The following CHRNE variants were observed in gnomAD, a reference collection of about 807,000 sequenced individuals.
CHRNE encodes the protein acetylcholine receptor subunit epsilon.
A neutral mutation model predicts 56.5 loss-of-function variants in CHRNE; 58 were observed. That is an observed-to-expected ratio of 1.03 (90% CI 0.83 to 1.28). CHRNE has a LOEUF of 1.28. Among genes scored for constraint, CHRNE ranks in the 50% most tolerant of loss-of-function variants. The pLI is 0.00. For synonymous variants in CHRNE, 385 were observed against 297.9 expected, an observed-to-expected ratio of 1.29 and a Z score of -3.01; for missense variants, 793 against 688.9, an observed-to-expected ratio of 1.15 and a Z score of -1.69.
At chr17:4,899,990 C>T (rs1969918009) in intron 8 of CHRNE, 1 of 1,551,540 alleles carries the variant, frequency 6.4e-7, no homozygotes, top group Non-Finnish European at 8.7e-7. Flanking sequence ...GGCCGCAGCC[C>T]ATGAATATCT....
Position 4,899,486 on chromosome 17 carries a change from C to A in CHRNE, c.1014G>T (p.Met338Ile). 6.3e-7 allele frequency: 1 copy of A among 1,599,916 alleles called. No individual in the cohort carries two copies. Among genetic ancestry groups the A allele is most frequent in the Admixed American group, 1.7e-5 (1 of 58,098 alleles). Reference sequence around the variant, plus strand: ...CGCTTACGTGGCGCAGCCGCGGGGACATGGCGTGGGTGGTGGGCGTCCGCT... The same window carrying A: ...CGCTTACGTGGCGCAGCCGCGGGGAAATGGCGTGGGTGGTGGGCGTCCGCT... Reference protein sequence around the residue: ...VSQRTPTTHAMSPRLRHVLLE... With the variant: ...VSQRTPTTHAISPRLRHVLLE... The change falls in exon 9 of 12, where the codon ATG becomes ATT. Residue 338 changes from methionine (M) to isoleucine (I), a missense_variant. Met to Ile is a conservative substitution (Grantham distance 10, BLOSUM62 1). Coordinates refer to ENST00000649488, the MANE Select transcript of CHRNE (RefSeq NM_000080.4).
chr17:4,901,321 G>T, intron 6 of CHRNE, 131 bp from the exon 7 acceptor site: 1 of 1,067,360 alleles, frequency 9.4e-7, no homozygotes, highest in Non-Finnish European at 1.4e-6. Context: ...ATTACGGACA[G>T]AAAAGGGCAT....
intron 10 of CHRNE, 22 bp downstream of exon 10, chr17:4,899,176 G>A (rs752553103): frequency 1.3e-4 from 177 of 1,345,604 alleles, no homozygotes; most frequent in Admixed American, 8.4e-4. Flanking sequence ...GCGGCCCCCC[G>A]GGCCAGGGCC....
In CHRNE at chr17:4,899,385, C is replaced by G. The variant is rs755303686; in HGVS notation, c.1033-1G>C. The G allele has an allele frequency of 2.0e-5, 30 of 1,533,896 alleles. No individual in the cohort carries two copies. Among genetic ancestry groups the G allele is most frequent in the Non-Finnish European group, 2.5e-5 (29 of 1,144,352 alleles). On this transcript the variant is annotated splice_acceptor_variant, in intron 9 of 11. Coordinates refer to ENST00000649488, the MANE Select transcript of CHRNE (RefSeq NM_000080.4). LOFTEE classifies it high-confidence loss of function. ...GGCGCGGCAGCAGCTCCAGGAGAAC[C>G]TGGGGCAGGGGCGGGGCTTAGGGGA...
In CHRNE at chr17:4,898,897, G is replaced by T. The variant is rs1969826283; in HGVS notation, c.1327-6C>A. The T allele has an allele frequency of 6.3e-7, 1 of 1,575,120 alleles. No homozygotes were observed. Among genetic ancestry groups the T allele is most frequent in the African/African-American group, 1.3e-5 (1 of 74,422 alleles). ...CGCACCCAGTCGGACACTTCCTGGG[G>T]AAGGGTCGGCACAGTCAGTAAAGAG... On this transcript the variant is annotated splice_polypyrimidine_tract_variant and splice_region_variant and intron_variant, in intron 11 of 11. Coordinates refer to ENST00000649488, the MANE Select transcript of CHRNE (RefSeq NM_000080.4).
chr17:4,899,701 C>G lies in CHRNE; in HGVS notation c.918-119G>C. ...GGGCTGGTTACGCCCTCCAGCTGCG[C>G]CCCCTACACGACGACAGACGCGTCC... On this transcript the variant is annotated intron_variant, in intron 8 of 11. Coordinates refer to ENST00000649488, the MANE Select transcript of CHRNE (RefSeq NM_000080.4). 4 of 1,483,404 alleles carry G rather than the reference C, an allele frequency of 2.7e-6. No individual in the cohort carries two copies. The South Asian group carries it at 4.8e-5, about 18-fold the overall frequency. The allele number at this position is 1,483,404 out of a possible 1,614,324, so 91.9% of individuals were successfully genotyped here.
chr17:4,902,658 A>C lies in CHRNE; in HGVS notation c.152T>G (p.Ile51Ser), dbSNP rs1434896893. The C allele has an allele frequency of 6.2e-7, 1 of 1,613,784 alleles. No homozygotes were observed. Among genetic ancestry groups the C allele is most frequent in the African/African-American group, 1.3e-5 (1 of 74,850 alleles). The part of the protein sequence containing the change: ...PVREPEDTVT[I>S]SLKVTLTNLI... The stretch of plus-strand genomic sequence containing the variant: ...ATTCGTCAGGGTGACCTTGAGGCTG[A>C]TGGTGACAGTATCCTCAGGCTCCCG... The change falls in exon 2 of 12, where the codon ATC (isoleucine) becomes AGC (serine). Residue 51 changes from isoleucine (I) to serine (S), a missense_variant. By Grantham distance (142) the Ile-to-Ser change is moderately radical. Coordinates refer to ENST00000649488, the MANE Select transcript of CHRNE (RefSeq NM_000080.4). This position sits in a 1 kb window ranked among gnomAD's most constrained non-coding sequence, Gnocchi z 4.0.
intron 6 of CHRNE, 146 bp from the exon 7 acceptor site, chr17:4,901,336 G>A (rs868191959): frequency 9.0e-5 from 90 of 1,005,178 alleles, no homozygotes; most frequent in Non-Finnish European, 1.2e-4. Context: ...GGGCATTCTC[G>A]TTGAGGGTAT....
At chr17:4,904,187 T>C (rs146662338), upstream of CHRNE, among the ~76,000 whole-genome samples, 45 of 151,846 alleles carry the variant, frequency 3.0e-4, no homozygotes, top group African/African-American at 1.0e-3. Context: ...GTTTCTTTTT[T>C]TGTTTTTTGT....
chr17:4,900,951 G>A (rs969873887), intron 7 of CHRNE, 39 bp downstream of exon 7: 3 of 1,613,986 alleles, frequency 1.9e-6, no homozygotes, highest in South Asian at 1.1e-5. Flanking sequence ...TCCCGGGAGC[G>A]AGCCCGGGTT....
At chr17:4,899,887 G>T in intron 8 of CHRNE, 1 of 1,548,512 alleles carries the variant, frequency 6.5e-7, no homozygotes, top group African/African-American at 1.4e-5. Context: ...TCTCCTGTTC[G>T]CCCCTGTGAC....
In CHRNE at chr17:4,898,669, G is replaced by A; in HGVS notation, c.*67C>T. 2 of 1,550,894 alleles carry A rather than the reference G, an allele frequency of 1.3e-6. No homozygotes were observed. The highest frequency in any genetic ancestry group is 1.7e-6 in the Non-Finnish European group (2 of 1,145,488). Reference sequence around the variant, plus strand: ...GGGAAGGGATCATAATGCCGTGGTGGCGGCAGCCTACTTTTTCAAAATCAA... The same window carrying A: ...GGGAAGGGATCATAATGCCGTGGTGACGGCAGCCTACTTTTTCAAAATCAA... On this transcript the variant is annotated 3_prime_UTR_variant, in exon 12 of 12. Transcript: ENST00000649488.
At chr17:4,903,860 T>TA (rs200246783), upstream of CHRNE, among the ~76,000 whole-genome samples, 15 of 152,254 alleles carry the variant, frequency 9.9e-5, no homozygotes, top group East Asian at 3.9e-4. Flanking sequence ...TGTTCCTTTT[T>TA]AAAAAAAATT....
chr17:4,899,555 G>C lies in CHRNE; in HGVS notation c.945C>G (p.Ala315=). The change falls in exon 9 of 12, where the codon GCC becomes GCG. Residue 315 remains alanine (A), a synonymous_variant. Coordinates refer to ENST00000649488, the MANE Select transcript of CHRNE (RefSeq NM_000080.4). ...GRFLIFVMVV[A]TLIVMNCVIV... is the part of the protein sequence containing the mutation. ...TGACGCAATTCATGACAATGAGCGT[G>C]GCGACCACCATGACGAAAATAAGGA... The C allele has an allele frequency of 6.3e-7, 1 of 1,596,716 alleles. No homozygotes were observed. Among genetic ancestry groups the C allele is most frequent in the South Asian group, 1.1e-5 (1 of 87,492 alleles).
Position 4,900,470 on chromosome 17 carries a change from G to C in CHRNE, c.917+323C>G, listed in dbSNP as rs184464124. On this transcript the variant is annotated intron_variant, in intron 8 of 11. Coordinates refer to ENST00000649488, the MANE Select transcript of CHRNE (RefSeq NM_000080.4). ...GGTCTGCCTCATTCCTGCGACAGTCGCAACAGCAGCTAGGCCTCGGAATCC... is the reference window on the plus strand; with the variant it reads ...GGTCTGCCTCATTCCTGCGACAGTCCCAACAGCAGCTAGGCCTCGGAATCC... 1.5e-3 allele frequency: 2,259 copies of C among 1,551,108 alleles called. 4 individuals are homozygous for C. The highest frequency in any genetic ancestry group is 1.4e-3 in the Non-Finnish European group (1,607 of 1,146,986).
rs1208462125 is a variant in CHRNE at position 4,898,985 on chromosome 17, CTGGCTCCTGTCCCACCTCGCCGG to C, written c.1319_1326+15del. 6.3e-7 allele frequency: 1 copy of C among 1,575,292 alleles called. No homozygotes were observed. The highest frequency in any genetic ancestry group is 8.6e-7 in the Non-Finnish European group (1 of 1,162,138). The stretch of plus-strand genomic sequence containing the variant: ...GGCCTCTGCCTCGCTCCACCCGCCT[CTGGCTCCTGTCCCACCTCGCCGG>C]TGGCCTCCTGATCTCTCGTGCTCTC... On this transcript the variant is annotated splice_donor_variant and splice_donor_5th_base_variant and coding_sequence_variant and intron_variant, in exon 11 of 12. Transcript: ENST00000649488. LOFTEE classifies it high-confidence loss of function.
Position 4,901,094 on chromosome 17 carries a change from GAGT to G in CHRNE, c.695_697del (p.Tyr232del), listed in dbSNP as rs1969969385. Reference sequence around the variant, plus strand: ...GAGCGGCTTCCGGCGGATGATGAGCGAGTAGATGACGTCAGTCTCCCCTGGGCC... The same window carrying G: ...GAGCGGCTTCCGGCGGATGATGAGCGAGATGACGTCAGTCTCCCCTGGGCC... On this transcript the variant is annotated inframe_deletion, in exon 7 of 12. Transcript: ENST00000649488. The G allele has an allele frequency of 5.0e-6, 8 of 1,613,624 alleles. No individual in the cohort carries two copies. Among genetic ancestry groups the G allele is most frequent in the Middle Eastern group, 1.6e-4 (1 of 6,084 alleles).
At chr17:4,901,462 G>T in intron 6 of CHRNE, 63 bp downstream of exon 6, 1 of 1,492,772 alleles carries the variant, frequency 6.7e-7, no homozygotes, top group Non-Finnish European at 9.3e-7. Flanking sequence ...CAAGCCCACC[G>T]TGGAAGTCCC....
At chr17:4,901,420 G>A (rs1359254099) in intron 6 of CHRNE, 105 bp downstream of exon 6, 5 of 1,106,290 alleles carry the variant, frequency 4.5e-6, no homozygotes, top group Non-Finnish European at 6.9e-6. Context: ...ACCCAGTTGT[G>A]GAAGTCATCC....
Sources: gnomAD v4.1 joint callset for allele counts (sites outside exome capture counted in the v4.1 genomes callset) on GRCh38, gnomAD v4.1.1 for gene constraint, Gnocchi (gnomAD v3.1) non-coding constraint, MANE v1.5 for transcripts, NCBI Gene and HGNC (gene_info 2026-07-23, HGNC 2026-07-21) for gene names.